CRIM1: variants seen among roughly 807,000 people sequenced by gnomAD.
The protein encoded by CRIM1 is cysteine-rich motor neuron 1 protein.
CRIM1 carries 32 observed loss-of-function variants against 116.4 expected under a neutral mutation model. The observed-to-expected ratio is 0.27, with a 90% confidence interval of 0.21 to 0.37. The LOEUF is 0.37. CRIM1 is among the 10% of genes least tolerant of loss of function. The pLI, the probability that CRIM1 is intolerant of heterozygous loss-of-function variation, is 1.00. For synonymous variants in CRIM1, 590 were observed against 509.2 expected (o/e 1.16, Z -2.13); for missense variants, 1,331 against 1,354.8 (o/e 0.98, Z 0.28).
At chr2:36,401,632 A>G (rs1444601527) in intron 2 of CRIM1, among the ~76,000 whole-genome samples, 3 of 152,196 alleles carry the variant, frequency 2.0e-5, no homozygotes, top group African/African-American at 7.2e-5. Flanking sequence ...AGTAATGTCA[A>G]TACCAAAGGT....
At chr2:36,483,010 G>A (rs1457544368) in intron 7 of CRIM1, among the ~76,000 whole-genome samples, 1 of 152,114 alleles carries the variant, frequency 6.6e-6, no homozygotes, top group Non-Finnish European at 1.5e-5. Flanking sequence ...TGATTCACAA[G>A]TACCTAAGTG....
intron 16 of CRIM1, among the ~76,000 whole-genome samples, chr2:36,548,267 CTTTT>C (rs11318146): frequency 1.2e-4 from 16 of 137,824 alleles, no homozygotes; most frequent in African/African-American, 3.7e-4. Flanking sequence ...TTTCACCAGT[CTTTT>C]TTTTTTTTTT....
intron 4 of CRIM1, among the ~76,000 whole-genome samples, chr2:36,459,880 A>G (rs1238673890): frequency 6.6e-6 from 1 of 152,190 alleles, no homozygotes; most frequent in Non-Finnish European, 1.5e-5. Flanking sequence ...CTTGCAAGCT[A>G]TGCCCAGGAG....
chr2:36,381,398 C>T (rs916511171), intron 1 of CRIM1, among the ~76,000 whole-genome samples: 1 of 152,160 alleles, frequency 6.6e-6, no homozygotes, highest in African/African-American at 2.4e-5. Flanking sequence ...GGCCTGTGGC[C>T]CCGGGGCCTC....
chr2:36,514,068 C>T (rs1461809281), intron 11 of CRIM1, among the ~76,000 whole-genome samples: 1 of 152,182 alleles, frequency 6.6e-6, no homozygotes, highest in African/African-American at 2.4e-5. Context: ...TTCTTACATT[C>T]CAGCTCTCCA....
In CRIM1 at chr2:36,550,328, TA is replaced by T. The variant is rs1667680022; in HGVS notation, c.*1629del. The T allele has an allele frequency of 6.6e-6, 1 of 152,044 alleles. No individual in the cohort carries two copies. Among genetic ancestry groups the T allele is most frequent in the Non-Finnish European group, 1.5e-5 (1 of 67,970 alleles). The allele number at this position is 152,044 out of a possible 1,614,324, so 9.4% of individuals were successfully genotyped here. A position where few individuals can be genotyped will look rare whatever the true frequency, so the allele number is the denominator to read the frequency against. ...AGTTTGTTGTAGTATGCCTCAAATA[TA>T]ACTGACTGTATACTATAGTGGTAAC... On this transcript the variant is annotated 3_prime_UTR_variant, in exon 17 of 17. Coordinates refer to ENST00000280527, the MANE Select transcript of CRIM1 (RefSeq NM_016441.3).
intron 2 of CRIM1, among the ~76,000 whole-genome samples, chr2:36,438,369 C>T (rs1028908286): frequency 5.9e-5 from 9 of 152,164 alleles, no homozygotes; most frequent in African/African-American, 2.2e-4. Context: ...AATTATAAAA[C>T]AATGTGTTTG....
chr2:36,448,665 T>C (rs1238014719), intron 4 of CRIM1, among the ~76,000 whole-genome samples: 2 of 70,776 alleles, frequency 2.8e-5, no homozygotes, highest in Non-Finnish European at 5.3e-5. Flanking sequence ...AAGTCACCTA[T>C]TTTAAATTTA....
Position 36,474,514 on chromosome 2 carries a change from G to T in CRIM1, c.992-2375G>T, listed in dbSNP as rs72865097. On this transcript the variant is annotated intron_variant, in intron 5 of 16. Transcript: ENST00000280527. ...AGTTAATTTTTGTATATGGTGTGAG[G>T]CATAGGGTTTTCTTCTTTATTCTTT... Among the ~76,000 whole-genome samples the T allele has an allele frequency of 3.3e-3, 495 of 152,134 alleles. 2 individuals carry two copies. The highest frequency in any genetic ancestry group is 0.011 in the African/African-American group (471 of 41,500).
At chr2:36,387,119 G>C (rs78369434) in intron 1 of CRIM1, among the ~76,000 whole-genome samples, 1 of 152,158 alleles carries the variant, frequency 6.6e-6, no homozygotes, top group Non-Finnish European at 1.5e-5. Flanking sequence ...ATATCCTTAA[G>C]AAGTTTGGTT....
At chr2:36,539,032 C>G (rs778330120) in intron 14 of CRIM1, among the ~76,000 whole-genome samples, 1 of 152,120 alleles carries the variant, frequency 6.6e-6, no homozygotes, top group East Asian at 1.9e-4. Context: ...GCAGTGCACA[C>G]GGAGCTTACG....
At chr2:36,470,788 A>C (rs893272239) in intron 5 of CRIM1, among the ~76,000 whole-genome samples, 21 of 152,232 alleles carry the variant, frequency 1.4e-4, no homozygotes, top group Non-Finnish European at 5.9e-5. Context: ...CTTGTTAATT[A>C]AGAAAAACAT....
chr2:36,406,332 T>A (rs1672792450), intron 2 of CRIM1, among the ~76,000 whole-genome samples: 1 of 152,154 alleles, frequency 6.6e-6, no homozygotes, highest in Admixed American at 6.5e-5. Flanking sequence ...AGGGAAAGGA[T>A]TTTGGGGAAA....
intron 2 of CRIM1, among the ~76,000 whole-genome samples, chr2:36,409,427 G>A (rs549138570): frequency 6.6e-6 from 1 of 152,286 alleles, no homozygotes; most frequent in East Asian, 1.9e-4. Context: ...AATCCAGAAA[G>A]AAGGAGCAAG....
At chr2:36,518,230 TAATA>T (rs1665157109) in intron 12 of CRIM1, among the ~76,000 whole-genome samples, 2 of 152,232 alleles carry the variant, frequency 1.3e-5, no homozygotes. Context: ...TACTTTTAAT[TAATA>T]CTAGATGTGA....
At chr2:36,408,171 A>T (rs1371215386) in intron 2 of CRIM1, among the ~76,000 whole-genome samples, 1 of 152,230 alleles carries the variant, frequency 6.6e-6, no homozygotes, top group East Asian at 1.9e-4. Context: ...GACAAAAACA[A>T]CCTGACAGGT....
intron 1 of CRIM1, among the ~76,000 whole-genome samples, chr2:36,396,251 T>TG (rs1487834254): frequency 2.0e-5 from 3 of 152,156 alleles, no homozygotes; most frequent in Non-Finnish European, 2.9e-5. Context: ...GATTGACAAA[T>TG]GTGACTCTTG....
At chr2:36,545,140 C>T (rs543355684) in intron 15 of CRIM1, among the ~76,000 whole-genome samples, 1 of 152,312 alleles carries the variant, frequency 6.6e-6, no homozygotes, top group Admixed American at 6.5e-5. Flanking sequence ...CTCAGTACTG[C>T]CTCCTGTGTC....
Position 36,356,583 on chromosome 2 carries a change from T to G in CRIM1, c.291T>G (p.Asn97Lys). Reference sequence around the variant, plus strand: ...GTTGTGTCATCCGCCCCCCGCTCAATGGCGACTCCCTCACCGAGTACGAAG... The same window carrying G: ...GTTGTGTCATCCGCCCCCCGCTCAAGGGCGACTCCCTCACCGAGTACGAAG... ...GLRCVIRPPL[N>K]GDSLTEYEAG... Residue 97 changes from asparagine (N) to lysine (K), a missense_variant, in exon 1 of 17, where the codon AAT becomes AAG. By Grantham distance (94) the Asn-to-Lys change is moderately conservative. Around this residue, in one of 3 missense-constraint regions of CRIM1, gnomAD observed 690 missense variants for 676.0 expected, o/e 1.02. Coordinates refer to ENST00000280527, the MANE Select transcript of CRIM1 (RefSeq NM_016441.3). The surrounding 1 kb of genome is among the most constrained non-coding windows in gnomAD (Gnocchi z 4.3). The G allele has an allele frequency of 6.2e-7, 1 of 1,611,878 alleles. No homozygotes were observed. Among genetic ancestry groups the G allele is most frequent in the Non-Finnish European group, 8.5e-7 (1 of 1,179,750 alleles).
Sources: allele counts gnomAD v4.1 joint callset (sites outside exome capture counted in the v4.1 genomes callset), GRCh38; gene constraint gnomAD v4.1.1; regional missense constraint gnomAD v4.1.1; non-coding constraint Gnocchi (gnomAD v3.1); transcripts MANE v1.5; gene names NCBI Gene and HGNC (gene_info 2026-07-23, HGNC 2026-07-21).